The following IL1RAPL2 variants were observed in gnomAD, a reference collection of about 807,000 sequenced individuals.
IL1RAPL2 encodes the protein interleukin 1 receptor accessory protein like 2.
A neutral mutation model predicts 44.1 loss-of-function variants in IL1RAPL2; 3 were observed. The ratio of observed to expected loss-of-function variants is 0.07; its 90% CI spans 0.03 to 0.18. The LOEUF is 0.18. Among genes scored for constraint, IL1RAPL2 ranks in the 10% least tolerant of loss-of-function variants. The pLI is 1.00. For synonymous variants in IL1RAPL2, 181 were observed against 178.8 expected, an observed-to-expected ratio of 1.01 and a Z score of -0.10; for missense variants, 391 against 496.4, an observed-to-expected ratio of 0.79 and a Z score of 2.02.
chrX:105,285,328 A>G (rs1232714990), intron 5 of IL1RAPL2, among the ~76,000 whole-genome samples: 4 of 111,885 alleles, frequency 3.6e-5, no homozygotes, highest in East Asian at 5.6e-4. Flanking sequence ...GAAATAGCCA[A>G]TGTCTTTTTT....
intron 2 of IL1RAPL2, among the ~76,000 whole-genome samples, chrX:104,838,473 C>G (rs763634587): frequency 8.6e-4 from 96 of 111,203 alleles, no homozygotes; most frequent in Non-Finnish European, 1.8e-3. Context: ...GTATTTCATT[C>G]TCTTTGTAAC....
intron 2 of IL1RAPL2, among the ~76,000 whole-genome samples, chrX:105,117,763 G>A (rs1427464057): frequency 9.0e-6 from 1 of 111,352 alleles, no homozygotes; most frequent in African/African-American, 3.3e-5. Context: ...CTAGCCATGC[G>A]GAACTGTGAG....
At chrX:105,044,762 T>G (rs950893881) in intron 2 of IL1RAPL2, among the ~76,000 whole-genome samples, 4 of 111,554 alleles carry the variant, frequency 3.6e-5, no homozygotes, top group Non-Finnish European at 5.6e-5. Context: ...CTATTCTGAT[T>G]GGAGACAGAA....
At chrX:104,609,497 A>T (rs1395052485) in intron 1 of IL1RAPL2, among the ~76,000 whole-genome samples, 1 of 112,383 alleles carries the variant, frequency 8.9e-6, no homozygotes, top group Non-Finnish European at 1.9e-5. Flanking sequence ...AATCAAATGT[A>T]GATTTGGTCT....
intron 2 of IL1RAPL2, among the ~76,000 whole-genome samples, chrX:104,761,833 TCTCC>T (rs1932436519): frequency 1.5e-5 from 1 of 68,640 alleles, no homozygotes. Flanking sequence ...TTCTCCTTCT[TCTCC>T]TTCTCCTTCT....
chrX:105,089,710 C>T (rs1334991417), intron 2 of IL1RAPL2, among the ~76,000 whole-genome samples: 1 of 111,625 alleles, frequency 9.0e-6, no homozygotes, highest in African/African-American at 3.3e-5. Flanking sequence ...ATGCTCCAGG[C>T]ACTCTGCAAG....
intron 5 of IL1RAPL2, among the ~76,000 whole-genome samples, chrX:105,411,542 G>A (rs1186249610): frequency 9.0e-6 from 1 of 111,147 alleles, no homozygotes; most frequent in Non-Finnish European, 1.9e-5. Context: ...AAAATAGACT[G>A]TAAGTCAAAA....
At chrX:104,809,961 A>C (rs1293522461) in intron 2 of IL1RAPL2, among the ~76,000 whole-genome samples, 1 of 111,180 alleles carries the variant, frequency 9.0e-6, no homozygotes, top group African/African-American at 3.3e-5. Context: ...AGACACATGC[A>C]CACATATGTT....
At chrX:105,447,108 A>ATATATATATATATATATATATATATATAT (rs2035963967) in intron 5 of IL1RAPL2, among the ~76,000 whole-genome samples, 1 of 20,600 alleles carries the variant, frequency 4.9e-5, no homozygotes, top group African/African-American at 2.4e-4. Flanking sequence ...TATATATATA[A>ATATATATATATATATATATATATATATAT]AAATATATAT....
intron 2 of IL1RAPL2, among the ~76,000 whole-genome samples, chrX:104,828,598 C>CA (rs1385703126): frequency 0.022 from 2 of 90 alleles, no homozygotes; most frequent in Non-Finnish European, 0.042. Context: ...CATCTGGAGA[C>CA]AAGGGGTCAG....
chrX:104,691,789 A>T (rs1455317752), intron 2 of IL1RAPL2, among the ~76,000 whole-genome samples: 1 of 111,407 alleles, frequency 9.0e-6, no homozygotes, highest in Non-Finnish European at 1.9e-5. Flanking sequence ...AATAGATAAG[A>T]CTGGATCTTG....
chrX:105,162,232 T>C (rs1240714452), intron 2 of IL1RAPL2, among the ~76,000 whole-genome samples: 2 of 112,001 alleles, frequency 1.8e-5, no homozygotes, highest in Admixed American at 9.5e-5. Flanking sequence ...TACCGTGAAC[T>C]CTCTGTCTAC....
At chrX:104,673,032 TC>T (rs941790775) in intron 2 of IL1RAPL2, among the ~76,000 whole-genome samples, 3 of 111,835 alleles carry the variant, frequency 2.7e-5, no homozygotes, top group Non-Finnish European at 3.8e-5. Context: ...AAAAATTTTC[TC>T]CCATTTTGTA....
chrX:104,736,361 A>G (rs896380153), intron 2 of IL1RAPL2, among the ~76,000 whole-genome samples: 2 of 112,163 alleles, frequency 1.8e-5, no homozygotes, highest in African/African-American at 6.5e-5. Flanking sequence ...CGCATGATAG[A>G]TGCTCAATAA....
intron 2 of IL1RAPL2, among the ~76,000 whole-genome samples, chrX:104,796,570 T>C (rs951102000): frequency 9.0e-6 from 1 of 111,258 alleles, no homozygotes; most frequent in Non-Finnish European, 1.9e-5. Context: ...ATGGGGAAAA[T>C]GGTACTCCCA....
At chrX:104,847,243 G>A (rs763533174) in intron 2 of IL1RAPL2, among the ~76,000 whole-genome samples, 1 of 112,009 alleles carries the variant, frequency 8.9e-6, no homozygotes, top group Admixed American at 9.5e-5. Context: ...ATTGCTTTTG[G>A]TGTTTTAATC....
intron 5 of IL1RAPL2, among the ~76,000 whole-genome samples, chrX:105,467,745 G>A (rs955806908): frequency 3.1e-4 from 35 of 111,780 alleles, no homozygotes; most frequent in African/African-American, 1.1e-3. Flanking sequence ...TTAAAGACAT[G>A]TGGTAAGTGT....
chrX:105,666,176 T>C (rs772609729), intron 6 of IL1RAPL2, among the ~76,000 whole-genome samples: 1 of 108,975 alleles, frequency 9.2e-6, no homozygotes, highest in Non-Finnish European at 1.9e-5. Context: ...AAAACCCACA[T>C]AGCTTTATAA....
At chrX:105,262,572 A>T (rs1406525586) in intron 4 of IL1RAPL2, among the ~76,000 whole-genome samples, 3 of 111,670 alleles carry the variant, frequency 2.7e-5, no homozygotes, top group Non-Finnish European at 5.6e-5. Flanking sequence ...TGTTTTTTTT[A>T]AATAGGTGAA....
Sources: allele counts gnomAD v4.1 joint callset (sites outside exome capture counted in the v4.1 genomes callset), GRCh38; gene constraint gnomAD v4.1.1; transcripts MANE v1.5; gene names NCBI Gene and HGNC (gene_info 2026-07-23, HGNC 2026-07-21).